The following MRPS28 variants were observed in gnomAD, a reference collection of about 807,000 sequenced individuals.
The protein encoded by MRPS28 is mitochondrial ribosomal protein S28.
A neutral mutation model predicts 10.8 loss-of-function variants in MRPS28; 7 were observed. The ratio of observed to expected loss-of-function variants is 0.65; its 90% confidence interval spans 0.37 to 1.22. MRPS28 has a LOEUF of 1.22. Among genes scored for constraint, MRPS28 ranks in the 50% most tolerant of loss-of-function variants. The pLI, the probability that MRPS28 is intolerant of heterozygous loss-of-function variation, is 0.02. For synonymous variants in MRPS28, 121 were observed against 93.3 expected (o/e 1.30, Z -1.71); for missense variants, 265 against 232.9 (o/e 1.14, Z -0.90).
At chr8:79,987,722 A>G (rs1228386505) in intron 2 of MRPS28, among the ~76,000 whole-genome samples, 4 of 152,228 alleles carry the variant, frequency 2.6e-5, no homozygotes, top group Admixed American at 2.6e-4. Flanking sequence ...CAAAACCACA[A>G]TGAGATACCA....
chr8:80,022,199 T>G (rs1271261821), intron 1 of MRPS28, among the ~76,000 whole-genome samples: 2 of 152,056 alleles, frequency 1.3e-5, no homozygotes, highest in African/African-American at 4.8e-5. Context: ...ATATGTAACT[T>G]TTTGGGACTG....
intron 1 of MRPS28, among the ~76,000 whole-genome samples, chr8:80,013,634 C>CAAAAAAAAAA (rs5892700): frequency 7.9e-5 from 6 of 75,612 alleles, no homozygotes; most frequent in African/African-American, 1.6e-4. Flanking sequence ...GACTCCATCT[C>CAAAAAAAAAA]AAAAAAAAAA....
intron 2 of MRPS28, among the ~76,000 whole-genome samples, chr8:79,990,635 A>G (rs1808335978): frequency 0.014 from 2 of 148 alleles, no homozygotes; most frequent in South Asian, 0.17. Context: ...CATACACAGC[A>G]AAAAGAAAAA....
chr8:80,024,764 C>G (rs532360943), intron 1 of MRPS28, among the ~76,000 whole-genome samples: 4 of 152,148 alleles, frequency 2.6e-5, no homozygotes, highest in Non-Finnish European at 4.4e-5. Context: ...AAGCATTATG[C>G]AAAGGATGAA....
intron 2 of MRPS28, among the ~76,000 whole-genome samples, chr8:79,983,474 C>A (rs574772758): frequency 1.3e-5 from 2 of 152,238 alleles, no homozygotes; most frequent in African/African-American, 4.8e-5. Context: ...TCAAACTACT[C>A]CGAGCTACAG....
chr8:80,009,984 CT>C (rs994241672), intron 1 of MRPS28, among the ~76,000 whole-genome samples: 2 of 152,136 alleles, frequency 1.3e-5, no homozygotes, highest in African/African-American at 2.4e-5. Context: ...ATACATAATT[CT>C]TTTTAAACAA....
chr8:79,999,051 C>G lies in MRPS28; in HGVS notation c.395+3948G>C, dbSNP rs566448596. ...TGTATGAAGAGAAGAAAATAGTTCT[C>G]TAAAAGGATCAAAAAAAAGGGCAGG... On this transcript the variant is annotated intron_variant, in intron 2 of 2. Transcript: ENST00000276585. 2.0e-5 allele frequency among the ~76,000 whole-genome samples: 3 copies of G among 152,102 alleles called. No individual in the cohort carries two copies. In the South Asian group the frequency reaches 6.2e-4, roughly 32 times the overall value.
intron 2 of MRPS28, among the ~76,000 whole-genome samples, chr8:79,983,294 C>G (rs1250175568): frequency 6.6e-6 from 1 of 151,886 alleles, no homozygotes; most frequent in Non-Finnish European, 1.5e-5. Context: ...CATCAAAGAC[C>G]AAAAGTAGAT....
At chr8:79,995,890 G>A (rs577531272) in intron 2 of MRPS28, among the ~76,000 whole-genome samples, 28 of 152,218 alleles carry the variant, frequency 1.8e-4, no homozygotes, top group Admixed American at 4.6e-4. Context: ...AAAATTAGGA[G>A]GTCTGAGAAA....
In MRPS28 at chr8:79,919,031, T is replaced by C; in HGVS notation, c.513A>G (p.Gly171=). 6.3e-7 allele frequency: 1 copy of C among 1,593,646 alleles called. No individual in the cohort carries two copies. Among genetic ancestry groups the C allele is most frequent in the Non-Finnish European group, 8.5e-7 (1 of 1,172,416 alleles). Residue 171 remains glycine, a synonymous_variant, in exon 3 of 3, where the codon GGA becomes GGG. Coordinates refer to ENST00000276585, the MANE Select transcript of MRPS28 (RefSeq NM_014018.3). ...ATCTTGAGTCTTTACTCTCCTGGATTCCCAAGAGAACTGCATTAGCCTCTA... is the reference window on the plus strand; with the variant it reads ...ATCTTGAGTCTTTACTCTCCTGGATCCCCAAGAGAACTGCATTAGCCTCTA... The part of the protein sequence containing the change: ...TVLEANAVLL[G]IQESKDSRSK...
intron 1 of MRPS28, among the ~76,000 whole-genome samples, chr8:80,015,025 T>C (rs955797344): frequency 2.0e-5 from 3 of 152,126 alleles, no homozygotes; most frequent in Admixed American, 6.5e-5. Flanking sequence ...AGTGCCGAGG[T>C]AGGGAAACCC....
At chr8:79,958,516 T>C (rs2129995607) in intron 2 of MRPS28, 1 of 578,592 alleles carries the variant, frequency 1.7e-6, no homozygotes, top group East Asian at 3.0e-5. Context: ...TTTTATTTGG[T>C]ACACTAACAA....
intron 1 of MRPS28, among the ~76,000 whole-genome samples, chr8:80,021,006 CTT>C (rs372456678): frequency 1.5e-4 from 21 of 143,112 alleles, no homozygotes; most frequent in South Asian, 2.2e-4. Context: ...CACACACACA[CTT>C]TTTTTTTTTT....
At chr8:80,020,220 C>T (rs1189647380) in intron 1 of MRPS28, among the ~76,000 whole-genome samples, 3 of 152,110 alleles carry the variant, frequency 2.0e-5, no homozygotes, top group Admixed American at 6.5e-5. Flanking sequence ...GCAGATGAAG[C>T]GTCCAGGTAG....
intron 2 of MRPS28, among the ~76,000 whole-genome samples, chr8:79,924,557 G>T (rs1256169306): frequency 6.6e-6 from 1 of 152,036 alleles, no homozygotes; most frequent in African/African-American, 2.4e-5. Flanking sequence ...TTTTGCAGTT[G>T]GAAGACTTTA....
chr8:79,937,797 A>T (rs3953125), intron 2 of MRPS28, among the ~76,000 whole-genome samples: 87,950 of 152,106 alleles, frequency 0.58, 28,200 homozygotes, highest in East Asian at 0.78. Flanking sequence ...TTTACTTTGT[A>T]TATGTTTGTA....
intron 1 of MRPS28, among the ~76,000 whole-genome samples, chr8:80,021,899 TATG>T (rs1459928269): frequency 6.6e-6 from 1 of 152,234 alleles, no homozygotes; most frequent in Non-Finnish European, 1.5e-5. Context: ...AAGACTATAG[TATG>T]ATATCACAAC....
rs535304866 is a variant in MRPS28, at chr8:79,959,063, A to G, written c.396-39915T>C. Among the ~76,000 whole-genome samples the G allele has an allele frequency of 3.0e-4, 45 of 152,254 alleles. 2 individuals are homozygous for G. In the South Asian group the frequency reaches 9.1e-3, roughly 31 times the overall value. ...ACTAGAGCTACATAACAGATTTTAAAGTGAAATCCTTCCCTCTTTCACAGT... is the reference window on the plus strand; with the variant it reads ...ACTAGAGCTACATAACAGATTTTAAGGTGAAATCCTTCCCTCTTTCACAGT... On this transcript the variant is annotated intron_variant, in intron 2 of 2. Transcript: ENST00000276585.
At chr8:80,014,050 T>C (rs1228386897) in intron 1 of MRPS28, among the ~76,000 whole-genome samples, 1 of 149,770 alleles carries the variant, frequency 6.7e-6, no homozygotes, top group Non-Finnish European at 1.5e-5. Context: ...TGTGGAAGAG[T>C]GATAATTAAT....
Sources: allele counts gnomAD v4.1 joint callset (sites outside exome capture counted in the v4.1 genomes callset), GRCh38; gene constraint gnomAD v4.1.1; transcripts MANE v1.5; gene names NCBI Gene and HGNC (gene_info 2026-07-23, HGNC 2026-07-21).